The following SYT2 variants were observed in gnomAD, a reference collection of about 807,000 sequenced individuals.
SYT2 encodes the protein synaptotagmin 2, also known as synaptotagmin-2.
SYT2 carries 15 observed loss-of-function variants against 39.9 expected under a neutral mutation model. That is an observed-to-expected ratio of 0.38 (90% confidence interval 0.25 to 0.58). The LOEUF (loss-of-function observed/expected upper bound fraction) is 0.58, where lower values mean the gene tolerates loss of function less well. SYT2 is among the 20% of genes least tolerant of loss of function. The pLI, the probability that SYT2 is intolerant of heterozygous loss-of-function variation, is 0.70. For synonymous variants in SYT2, 181 were observed against 204.5 expected, an observed-to-expected ratio of 0.89 and a Z score of 0.98; for missense variants, 389 against 530.3, an observed-to-expected ratio of 0.73 and a Z score of 2.62.
chr1:202,690,349 C>A (rs150060402), intron 1 of SYT2, among the ~76,000 whole-genome samples: 1 of 152,306 alleles, frequency 6.6e-6, no homozygotes, highest in East Asian at 1.9e-4. Context: ...GACAAGCATG[C>A]ATGGCAGCAG....
chr1:202,670,343 C>T (rs377500049), intron 1 of SYT2, among the ~76,000 whole-genome samples: 6 of 152,126 alleles, frequency 3.9e-5, no homozygotes, highest in Non-Finnish European at 8.8e-5. Context: ...GTGGGAGCAT[C>T]GGGCACTCAA....
Position 202,605,663 on chromosome 1 carries a change from C to G in SYT2, c.110G>C (p.Gly37Ala). The change falls in exon 2 of 9, where the codon GGG becomes GCG. Residue 37 changes from glycine (G) to alanine (A), a missense_variant. Gly to Ala is a moderately conservative substitution (Grantham distance 60, BLOSUM62 0). This residue lies in a region of SYT2 where 280 missense variants were observed against 335.6 expected (regional missense o/e 0.83). Transcript: ENST00000367268. ...VDNSTESGGA[G>A]ESQEDMFAKL... ...GGCAAACATGTCCTCCTGGCTCTCC[C>G]CAGCACCCCCACTCTCAGTGGAGTT... 1.2e-6 allele frequency: 2 copies of G among 1,613,998 alleles called. No homozygotes were observed. Among genetic ancestry groups the G allele is most frequent in the Non-Finnish European group, 1.7e-6 (2 of 1,179,886 alleles).
chr1:202,607,017 G>T (rs511317), intron 1 of SYT2, among the ~76,000 whole-genome samples: 132,284 of 152,112 alleles, frequency 0.87, 60,367 homozygotes, highest in East Asian at 1. Context: ...CATTCCACTG[G>T]TAGACATTTA....
intron 1 of SYT2, among the ~76,000 whole-genome samples, chr1:202,616,742 C>T (rs1691050314): frequency 6.6e-6 from 1 of 152,236 alleles, no homozygotes; most frequent in Non-Finnish European, 1.5e-5. Context: ...ACTGTGACTA[C>T]TCCTCCTTCG....
intron 1 of SYT2, chr1:202,639,506 C>T (rs1251309752): frequency 1.0e-6 from 1 of 985,280 alleles, no homozygotes; most frequent in African/African-American, 1.7e-5. Context: ...CCTTTCAGTG[C>T]CTCGTCCTGC....
At position 202,614,658 on chromosome 1, in the gene SYT2, T is replaced by C. The variant is rs1468899333; in HGVS notation, c.-17-8869A>G. Among the ~76,000 whole-genome samples the C allele has an allele frequency of 6.6e-6, 1 of 152,236 alleles. No homozygotes were observed. The highest frequency in any genetic ancestry group is 1.5e-5 in the Non-Finnish European group (1 of 68,038). On this transcript the variant is annotated intron_variant, in intron 1 of 8. Coordinates refer to ENST00000367268, the MANE Select transcript of SYT2 (RefSeq NM_177402.5). The surrounding 1 kb of genome is among the most constrained non-coding windows in gnomAD (Gnocchi z 4.0). ...AATCTGGGAAAGCAAAAGTGCTTTC[T>C]TGAAAAATTGATGATTGAACTGAGA...
At position 202,598,624 on chromosome 1, in the gene SYT2, C is replaced by T. The variant is rs373044349; in HGVS notation, c.1053+594G>A. 4.2e-4 allele frequency among the ~76,000 whole-genome samples: 63 copies of T among 151,494 alleles called. No individual in the cohort carries two copies. The East Asian group carries it at 7.6e-3, about 18-fold the overall frequency. The stretch of plus-strand genomic sequence containing the variant: ...AAGCCCCCAGCTGCGCCTGACTTCC[C>T]GCCCAAATGGGTGGGTGGGTGGGTC... On this transcript the variant is annotated intron_variant, in intron 8 of 8. Coordinates refer to ENST00000367268, the MANE Select transcript of SYT2 (RefSeq NM_177402.5).
rs925549652 is a variant in SYT2, at chr1:202,601,853, G to A, written c.801+37C>T. The stretch of plus-strand genomic sequence containing the variant: ...GAGGTGGAAGCCCACCTGTACATTC[G>A]TCTTTCTGCCCAACCTGGCCTCATC... On this transcript the variant is annotated intron_variant, in intron 6 of 8. Transcript: ENST00000367268. The surrounding 1 kb of genome is among the most constrained non-coding windows in gnomAD (Gnocchi z 4.0). 19 of 1,598,890 alleles carry A rather than the reference G, an allele frequency of 1.2e-5. No individual in the cohort carries two copies. Among genetic ancestry groups the A allele is most frequent in the African/African-American group, 2.7e-5 (2 of 74,590 alleles).
At chr1:202,661,690 G>A (rs1037178206) in intron 1 of SYT2, among the ~76,000 whole-genome samples, 4 of 152,148 alleles carry the variant, frequency 2.6e-5, no homozygotes, top group African/African-American at 9.7e-5. Context: ...TGTTCAGAGA[G>A]AACACTCTGC....
intron 1 of SYT2, among the ~76,000 whole-genome samples, chr1:202,685,609 C>A (rs983623288): frequency 6.6e-6 from 1 of 152,066 alleles, no homozygotes; most frequent in South Asian, 2.1e-4. Context: ...GATGCTTGGG[C>A]GGGGTGGAAA....
At chr1:202,698,970 G>A (rs571336620) in intron 1 of SYT2, among the ~76,000 whole-genome samples, 61 of 150,016 alleles carry the variant, frequency 4.1e-4, no homozygotes, top group Non-Finnish European at 7.4e-4. Flanking sequence ...GGTTTCCTCT[G>A]CATCCAGAGC....
intron 1 of SYT2, among the ~76,000 whole-genome samples, chr1:202,709,066 A>G (rs1456573484): frequency 6.7e-6 from 1 of 148,670 alleles, no homozygotes; most frequent in South Asian, 2.2e-4. Flanking sequence ...TCCAGGTCAG[A>G]CCCCAGTTCA....
chr1:202,617,153 T>C (rs1406057338), intron 1 of SYT2, among the ~76,000 whole-genome samples: 1 of 152,222 alleles, frequency 6.6e-6, no homozygotes, highest in East Asian at 1.9e-4. Context: ...CCTAATACAC[T>C]GTATTACCCT....
At chr1:202,648,569 C>T (rs1465561982) in intron 1 of SYT2, among the ~76,000 whole-genome samples, 6 of 152,042 alleles carry the variant, frequency 3.9e-5, no homozygotes, top group South Asian at 2.1e-4. Flanking sequence ...ATATATGTTG[C>T]GTGGGGCAAG....
intron 1 of SYT2, among the ~76,000 whole-genome samples, chr1:202,705,453 G>A (rs909349341): frequency 1.1e-4 from 16 of 152,334 alleles, no homozygotes; most frequent in Middle Eastern, 3.4e-3. Flanking sequence ...AGCAAAAGCT[G>A]AAATCCTGAG....
At chr1:202,634,302 G>A (rs992731136) in intron 1 of SYT2, among the ~76,000 whole-genome samples, 30 of 152,230 alleles carry the variant, frequency 2.0e-4, no homozygotes, top group Non-Finnish European at 3.1e-4. Flanking sequence ...TGGATCACCC[G>A]ATGTCAGGAG....
chr1:202,658,767 T>C (rs1295071190), intron 1 of SYT2, among the ~76,000 whole-genome samples: 1 of 151,842 alleles, frequency 6.6e-6, no homozygotes, highest in African/African-American at 2.4e-5. Flanking sequence ...TCAAAATGTG[T>C]CAACCCCTCC....
In SYT2 at chr1:202,628,739, C is replaced by T. The variant is rs1214404248; in HGVS notation, c.-17-22950G>A. The stretch of plus-strand genomic sequence containing the variant: ...GGGGGAGAATTCCAAATTGGAAAGC[C>T]TCAACTTGGAATTCTATGTGGATCC... On this transcript the variant is annotated intron_variant, in intron 1 of 8. Coordinates refer to ENST00000367268, the MANE Select transcript of SYT2 (RefSeq NM_177402.5). The surrounding 1 kb of genome is among the most constrained non-coding windows in gnomAD (Gnocchi z 4.2). Among the ~76,000 whole-genome samples, 1 of 152,174 alleles carries T rather than the reference C, an allele frequency of 6.6e-6. No individual in the cohort carries two copies. Among genetic ancestry groups the T allele is most frequent in the Non-Finnish European group, 1.5e-5 (1 of 68,034 alleles).
In SYT2 at chr1:202,592,893, A is replaced by C. The variant is rs888926221; in HGVS notation, c.*3864T>G. 6.6e-6 allele frequency: 1 copy of C among 152,222 alleles called. No individual in the cohort carries two copies. The highest frequency in any genetic ancestry group is 1.5e-5 in the Non-Finnish European group (1 of 68,030). The allele number at this position is 152,222 out of a possible 1,614,324, so 9.4% of individuals were successfully genotyped here. On this transcript the variant is annotated 3_prime_UTR_variant, in exon 9 of 9. Coordinates refer to ENST00000367268, the MANE Select transcript of SYT2 (RefSeq NM_177402.5). ...AAATTATTTTTTAGTATATGTCCCA[A>C]CTATTTGCCTAGGACATATTTACAC...
Sources: allele counts gnomAD v4.1 joint callset (sites outside exome capture counted in the v4.1 genomes callset), GRCh38; gene constraint gnomAD v4.1.1; regional missense constraint gnomAD v4.1.1; non-coding constraint Gnocchi (gnomAD v3.1); transcripts MANE v1.5; gene names NCBI Gene and HGNC (gene_info 2026-07-23, HGNC 2026-07-21).